Variants in TOP1MT observed in about 807,000 individuals in gnomAD.
TOP1MT encodes the protein DNA topoisomerase I mitochondrial.
In TOP1MT, 80 loss-of-function variants were observed where a neutral mutation model predicts 73.9. The ratio of observed to expected loss-of-function variants is 1.08; its 90% confidence interval spans 0.90 to 1.30. The LOEUF is 1.30. Ranked by LOEUF, TOP1MT falls within the 50% of genes most tolerant of loss-of-function variation. The probability of loss-of-function intolerance (pLI) is 0.00; values close to 1 mark genes in which losing one functional copy is unlikely to be tolerated. For synonymous variants in TOP1MT, 338 were observed against 326.4 expected (o/e 1.04, Z -0.38); for missense variants, 815 against 808.0 (o/e 1.01, Z -0.10).
At chr8:143,323,491 C>T (rs1472522820) in intron 7 of TOP1MT, among the ~76,000 whole-genome samples, 1 of 130,458 alleles carries the variant, frequency 7.7e-6, no homozygotes, top group African/African-American at 3.3e-5. Context: ...ACGCCACACA[C>T]ATGCACGCCA....
intron 12 of TOP1MT, among the ~76,000 whole-genome samples, chr8:143,312,436 A>G (rs974162186): frequency 1.3e-5 from 2 of 152,222 alleles, no homozygotes; most frequent in Admixed American, 1.3e-4. Context: ...AGTATAATAC[A>G]TCCTATCAAT....
At chr8:143,356,509 C>T (rs950340921), upstream of TOP1MT, among the ~76,000 whole-genome samples, 1 of 152,162 alleles carries the variant, frequency 6.6e-6, no homozygotes, top group African/African-American at 2.4e-5. Context: ...AAGGTTCATC[C>T]AGGTGCAGTG....
chr8:143,319,656 C>T (rs772270680), intron 8 of TOP1MT, among the ~76,000 whole-genome samples: 3 of 152,084 alleles, frequency 2.0e-5, no homozygotes, highest in Non-Finnish European at 4.4e-5. Flanking sequence ...TTCCCGACCA[C>T]ACTCATCCCT....
chr8:143,322,044 T>A lies in TOP1MT; in HGVS notation c.961-658A>T, dbSNP rs1485569183. Among the ~76,000 whole-genome samples, 105 of 40,608 alleles carry A rather than the reference T, an allele frequency of 2.6e-3. 1 individual carries two copies. Among genetic ancestry groups the A allele is most frequent in the South Asian group, 0.019 (12 of 642 alleles). 26.6% of individuals were successfully genotyped at this position (40,608 alleles called of 152,430 possible). On this transcript the variant is annotated intron_variant, in intron 7 of 13. Coordinates refer to ENST00000329245, the MANE Select transcript of TOP1MT (RefSeq NM_052963.3). ...CCCACAGGCACGCCATACAGATGCA[T>A]GCCACACACACAGGCACGCCACACA...
At chr8:143,328,810 G>A (rs1014672016) in intron 3 of TOP1MT, among the ~76,000 whole-genome samples, 4 of 152,230 alleles carry the variant, frequency 2.6e-5, no homozygotes, top group Non-Finnish European at 4.4e-5. Flanking sequence ...GGCGAGCCTC[G>A]CAGGTGTGGG....
At chr8:143,309,835 C>T in intron 13 of TOP1MT, 1 of 1,534,468 alleles carries the variant, frequency 6.5e-7, no homozygotes, top group Non-Finnish European at 8.7e-7. Flanking sequence ...CCTGATGCCT[C>T]CGAGTCCCAG....
intron 3 of TOP1MT, chr8:143,327,926 G>T: frequency 6.0e-6 from 2 of 331,226 alleles, no homozygotes; most frequent in South Asian, 4.7e-5. Context: ...AAACCAAGCT[G>T]ACCTCAATGG....
upstream of TOP1MT, chr8:143,359,367 G>T: frequency 3.0e-6 from 3 of 985,490 alleles, no homozygotes; most frequent in Non-Finnish European, 2.4e-6. Flanking sequence ...ACTCCGGGAA[G>T]AAAGGCCCTG....
At chr8:143,340,312 T>TC (rs1309436214) in intron 2 of TOP1MT, among the ~76,000 whole-genome samples, 41 of 134,306 alleles carry the variant, frequency 3.1e-4, no homozygotes, top group African/African-American at 1.1e-3. Context: ...TGCACAGCAT[T>TC]CCCCCCCTCC....
chr8:143,334,891 T>G, upstream of TOP1MT: 1 of 1,393,864 alleles, frequency 7.2e-7, no homozygotes, highest in South Asian at 1.4e-5. Context: ...AGCGACAAGC[T>G]GGGCCCCGCC....
At chr8:143,338,369 A>G (rs1321260424), upstream of TOP1MT, among the ~76,000 whole-genome samples, 6 of 152,110 alleles carry the variant, frequency 3.9e-5, 1 homozygote, top group Admixed American at 3.9e-4. Flanking sequence ...GGAGTTCAGG[A>G]CCAGCCTGAC....
intron 12 of TOP1MT, among the ~76,000 whole-genome samples, chr8:143,313,994 G>A (rs528134371): frequency 1.3e-5 from 2 of 152,206 alleles, no homozygotes; most frequent in South Asian, 2.1e-4. Context: ...CTCCAGAGAC[G>A]ATACAGAAGT....
At chr8:143,326,757 T>C (rs764415924) in intron 3 of TOP1MT, among the ~76,000 whole-genome samples, 2 of 152,166 alleles carry the variant, frequency 1.3e-5, no homozygotes, top group Non-Finnish European at 2.9e-5. Context: ...GCAGGATACA[T>C]GGTCGGGAGC....
chr8:143,322,557 CCA>C (rs142697554), intron 7 of TOP1MT, among the ~76,000 whole-genome samples: 16 of 93,860 alleles, frequency 1.7e-4, no homozygotes, highest in Admixed American at 5.2e-4. Context: ...CACACGCACG[CCA>C]CACACAGACA....
rs1027364297 is a variant in TOP1MT at position 143,321,350 on chromosome 8, C to A, written c.997G>T (p.Glu333Ter). 6.9e-6 allele frequency: 11 copies of A among 1,597,016 alleles called. No homozygotes were observed. The highest frequency in any genetic ancestry group is 9.4e-6 in the Non-Finnish European group (11 of 1,167,366). Residue 333 changes from glutamate to a stop codon, truncating the protein, a stop_gained, in exon 8 of 14, where the codon GAG (glutamate) becomes TAG (stop). Coordinates refer to ENST00000329245, the MANE Select transcript of TOP1MT (RefSeq NM_052963.3). LOFTEE classifies it high-confidence loss of function. ...CAGCAGCCCACGGTGTCGGCCGCCT[C>A]ACCGTCCTCCTTCTCATTTCCTGCT... is the stretch of plus-strand genomic sequence containing the variant. ...LRAGNEKEDG[E>*]AADTVGCCSL...
At chr8:143,323,571 G>A (rs866956361) in intron 7 of TOP1MT, among the ~76,000 whole-genome samples, 580 of 35,736 alleles carry the variant, frequency 0.016, 6 homozygotes, top group East Asian at 0.062. Flanking sequence ...ACACATGCAC[G>A]CCACACACAC....
In TOP1MT at chr8:143,331,359, G is replaced by A. The variant is rs533971942; in HGVS notation, c.123-20C>T. ...TCCCACCTAAAGACGGAGACAGGACGTGTCACTCTCCTGGGCCAGGCCCTG... is the reference window on the plus strand; with the variant it reads ...TCCCACCTAAAGACGGAGACAGGACATGTCACTCTCCTGGGCCAGGCCCTG... On this transcript the variant is annotated intron_variant, in intron 1 of 13. Transcript: ENST00000329245. 1.1e-5 allele frequency: 17 copies of A among 1,598,116 alleles called. No homozygotes were observed. Among genetic ancestry groups the A allele is most frequent in the Admixed American group, 3.4e-5 (2 of 59,410 alleles).
At chr8:143,325,252 C>T (rs1363138969) in intron 5 of TOP1MT, 94 bp downstream of exon 5, 5 of 1,148,804 alleles carry the variant, frequency 4.4e-6, no homozygotes, top group African/African-American at 1.6e-5. Context: ...ACATGTTTCT[C>T]GGTGTGCCTC....
At chr8:143,324,713 C>A in intron 5 of TOP1MT, 84 bp from the exon 6 acceptor site, 1 of 1,502,892 alleles carries the variant, frequency 6.7e-7, no homozygotes, top group Non-Finnish European at 9.0e-7. Context: ...GGTCAACCGT[C>A]CCACGTGGTG....
Sources: gnomAD v4.1 joint callset for allele counts (sites outside exome capture counted in the v4.1 genomes callset) on GRCh38, gnomAD v4.1.1 for gene constraint, MANE v1.5 for transcripts, NCBI Gene and HGNC (gene_info 2026-07-23, HGNC 2026-07-21) for gene names.